TASP1: variants seen among roughly 807,000 people sequenced by gnomAD.
TASP1 encodes the protein threonine aspartase 1.
In TASP1, 16 loss-of-function variants were observed where a neutral mutation model predicts 56.6. The observed-to-expected ratio is 0.28, with a 90% CI of 0.19 to 0.43. The LOEUF (loss-of-function observed/expected upper bound fraction) is 0.43, where lower values mean the gene tolerates loss of function less well. Among genes scored for constraint, TASP1 ranks in the 20% least tolerant of loss-of-function variants. TASP1 has a pLI of 1.00. For synonymous variants in TASP1, 179 were observed against 184.2 expected, an observed-to-expected ratio of 0.97 and a Z score of 0.23; for missense variants, 393 against 511.6, an observed-to-expected ratio of 0.77 and a Z score of 2.24.
At chr20:13,249,822 TTTG>T in the TASP1 span, among the ~76,000 whole-genome samples, 2 of 143,284 alleles carry the variant, frequency 1.4e-5, no homozygotes, top group South Asian at 2.2e-4. Flanking sequence ...TTTGTTTTGT[TTTG>T]TTTTGTTTTG....
chr20:13,398,864 A>G (rs1008418629), intron 13 of TASP1, among the ~76,000 whole-genome samples: 2 of 152,156 alleles, frequency 1.3e-5, no homozygotes, highest in African/African-American at 4.8e-5. Context: ...CTTTACTTCC[A>G]TTTACAGCAA....
intron 13 of TASP1, among the ~76,000 whole-genome samples, chr20:13,395,450 A>G (rs2041489598): frequency 1.3e-5 from 2 of 152,190 alleles, no homozygotes; most frequent in Non-Finnish European, 2.9e-5. Context: ...GTCATAGAAA[A>G]CATCTAATTT....
At chr20:13,368,396 T>C in the TASP1 span, 2 of 152,240 alleles carry the variant, frequency 1.3e-5, no homozygotes, top group Admixed American at 6.5e-5. Context: ...TACACTCCAC[T>C]GTTGGCCTTG....
chr20:13,198,561 A>G, the TASP1 span, among the ~76,000 whole-genome samples: 1 of 150,102 alleles, frequency 6.7e-6, no homozygotes, highest in East Asian at 2.0e-4. Flanking sequence ...AATATTTAAC[A>G]TGAGATCTAC....
At chr20:13,479,847 A>G (rs2043075725) in intron 11 of TASP1, among the ~76,000 whole-genome samples, 1 of 152,212 alleles carries the variant, frequency 6.6e-6, no homozygotes, top group African/African-American at 2.4e-5. Context: ...CCAAGGATCA[A>G]ATATAATTTT....
At chr20:13,333,818 C>T in the TASP1 span, among the ~76,000 whole-genome samples, 60 of 152,308 alleles carry the variant, frequency 3.9e-4, no homozygotes, top group African/African-American at 1.3e-3. Context: ...TCCTCCTCAA[C>T]AGTATCCAAT....
chr20:13,321,458 G>C, the TASP1 span, among the ~76,000 whole-genome samples: 1 of 152,056 alleles, frequency 6.6e-6, no homozygotes, highest in African/African-American at 2.4e-5. Flanking sequence ...GATCCAAGGG[G>C]AGAAACGCTC....
the TASP1 span, among the ~76,000 whole-genome samples, chr20:13,335,417 G>A: frequency 1.3e-5 from 2 of 150,930 alleles, no homozygotes; most frequent in South Asian, 2.1e-4. Context: ...CAAAGAAAAG[G>A]CCTATAGATA....
the TASP1 span, among the ~76,000 whole-genome samples, chr20:13,309,711 CA>C: frequency 6.6e-6 from 1 of 151,886 alleles, no homozygotes; most frequent in Non-Finnish European, 1.5e-5. Context: ...AAGGCTCCAC[CA>C]AAAAGCTGAT....
the TASP1 span, among the ~76,000 whole-genome samples, chr20:13,323,556 C>A: frequency 6.6e-6 from 1 of 152,186 alleles, no homozygotes; most frequent in Non-Finnish European, 1.5e-5. Flanking sequence ...TATGAAACTA[C>A]GTTTTCTTGG....
chr20:13,111,474 C>T, the TASP1 span, among the ~76,000 whole-genome samples: 1 of 152,132 alleles, frequency 6.6e-6, no homozygotes, highest in East Asian at 1.9e-4. Flanking sequence ...TGGGACAGCC[C>T]CTACAACACA....
At chr20:13,112,676 C>G in the TASP1 span, among the ~76,000 whole-genome samples, 2 of 152,164 alleles carry the variant, frequency 1.3e-5, no homozygotes, top group African/African-American at 2.4e-5. Context: ...TCATTTCACC[C>G]ACACAGGAAT....
At chr20:13,484,185 AG>A (rs1294416561) in intron 10 of TASP1, among the ~76,000 whole-genome samples, 5 of 152,214 alleles carry the variant, frequency 3.3e-5, no homozygotes, top group Admixed American at 3.3e-4. Flanking sequence ...GTGGAGAAAC[AG>A]GAACACTTGT....
At chr20:13,307,410 G>A in the TASP1 span, among the ~76,000 whole-genome samples, 1 of 152,106 alleles carries the variant, frequency 6.6e-6, no homozygotes, top group African/African-American at 2.4e-5. Context: ...AGAAAAAACA[G>A]AATATAAGGC....
Position 13,407,324 on chromosome 20 carries a change from C to T in TASP1, c.1170+10124G>A, listed in dbSNP as rs183809903. On this transcript the variant is annotated intron_variant, in intron 13 of 13. Transcript: ENST00000337743. ...GACATTTCATATAAACAAAATCATA[C>T]ACTATGTGGCCATTAGTGTCTGGCT... Among the ~76,000 whole-genome samples, 422 of 152,324 alleles carry T rather than the reference C, an allele frequency of 2.8e-3. 1 individual carries two copies. Among genetic ancestry groups the T allele is most frequent in the African/African-American group, 9.4e-3 (391 of 41,576 alleles).
At chr20:13,242,898 C>T in the TASP1 span, among the ~76,000 whole-genome samples, 1 of 152,172 alleles carries the variant, frequency 6.6e-6, no homozygotes. Flanking sequence ...ATAGTCCCTA[C>T]TGTGGGCCAG....
At chr20:13,137,235 G>A in the TASP1 span, among the ~76,000 whole-genome samples, 1 of 152,180 alleles carries the variant, frequency 6.6e-6, no homozygotes, top group African/African-American at 2.4e-5. Flanking sequence ...TGAGGTTTTA[G>A]TTCTTGGATG....
chr20:13,270,872 C>A, the TASP1 span: 2 of 820,220 alleles, frequency 2.4e-6, no homozygotes, highest in East Asian at 2.7e-5. Context: ...TGCTTAAGAT[C>A]ATGTTATCTC....
At chr20:13,460,666 C>A (rs2044021124) in intron 11 of TASP1, among the ~76,000 whole-genome samples, 1 of 152,072 alleles carries the variant, frequency 6.6e-6, no homozygotes, top group South Asian at 2.1e-4. Flanking sequence ...TTTGCCCAGG[C>A]CCAAAATCCT....
Sources: allele counts gnomAD v4.1 joint callset (sites outside exome capture counted in the v4.1 genomes callset), GRCh38; gene constraint gnomAD v4.1.1; transcripts MANE v1.5; gene names NCBI Gene and HGNC (gene_info 2026-07-23, HGNC 2026-07-21).